The following TENM1 variants were observed in gnomAD, a reference collection of about 807,000 sequenced individuals.
TENM1 encodes the protein teneurin-1.
In TENM1, 35 loss-of-function variants were observed where a neutral mutation model predicts 174.8. The observed-to-expected ratio is 0.20, with a 90% CI of 0.15 to 0.27. The LOEUF (loss-of-function observed/expected upper bound fraction) is 0.27. Ranked by LOEUF, TENM1 falls within the 10% of genes least tolerant of loss-of-function variation. The probability of loss-of-function intolerance (pLI) is 1.00; values close to 1 mark genes in which losing one functional copy is unlikely to be tolerated. For missense variants in TENM1, 1,633 were observed against 2,130.1 expected, an observed-to-expected ratio of 0.77 and a Z score of 4.59; for synonymous variants, 781 against 798.7, an observed-to-expected ratio of 0.98 and a Z score of 0.37.
intron 11 of TENM1, among the ~76,000 whole-genome samples, chrX:124,592,774 GGTTT>G (rs1223948844): frequency 4.0e-5 from 3 of 75,873 alleles, no homozygotes; most frequent in South Asian, 6.3e-4. Flanking sequence ...TTTTTTTTTT[GGTTT>G]GTTTAATTTC....
chrX:124,759,251 A>C (rs745405792), intron 3 of TENM1, among the ~76,000 whole-genome samples: 1 of 111,835 alleles, frequency 8.9e-6, no homozygotes, highest in African/African-American at 3.3e-5. Flanking sequence ...TCATCAACAC[A>C]GATTTTGCTG....
intron 1 of TENM1, among the ~76,000 whole-genome samples, chrX:124,936,395 A>G (rs1191870162): frequency 1.8e-5 from 2 of 111,574 alleles, no homozygotes; most frequent in Non-Finnish European, 3.8e-5. Context: ...CAGCTTAAAG[A>G]TTACTTCCCT....
At chrX:125,029,598 G>T in the TENM1 span, among the ~76,000 whole-genome samples, 1 of 111,656 alleles carries the variant, frequency 9.0e-6, no homozygotes, top group Non-Finnish European at 1.9e-5. Flanking sequence ...TCTCCTGTGC[G>T]AAGTATTACT....
chrX:124,396,553 C>T (rs927005341), intron 27 of TENM1, among the ~76,000 whole-genome samples: 1 of 110,753 alleles, frequency 9.0e-6, no homozygotes, highest in Admixed American at 9.6e-5. Flanking sequence ...ATCCACCCAC[C>T]TCACCCTCCC....
intron 3 of TENM1, among the ~76,000 whole-genome samples, chrX:124,823,751 A>G (rs191260594): frequency 2.0e-4 from 22 of 111,708 alleles, no homozygotes; most frequent in Non-Finnish European, 3.6e-4. Flanking sequence ...TTTAGAAACA[A>G]TATTAAAATG....
chrX:124,630,013 C>T (rs1428114967), intron 11 of TENM1, among the ~76,000 whole-genome samples: 2 of 111,982 alleles, frequency 1.8e-5, no homozygotes, highest in Non-Finnish European at 3.8e-5. Flanking sequence ...ACTCAGTTTC[C>T]TCATCTATAA....
At chrX:124,866,381 G>A (rs894947918) in intron 3 of TENM1, among the ~76,000 whole-genome samples, 53 of 111,811 alleles carry the variant, frequency 4.7e-4, no homozygotes, top group African/African-American at 1.5e-3. Flanking sequence ...AAAATACATA[G>A]AAATTAAACA....
At chrX:124,857,847 A>T (rs945252654) in intron 3 of TENM1, among the ~76,000 whole-genome samples, 5 of 110,983 alleles carry the variant, frequency 4.5e-5, no homozygotes, top group African/African-American at 1.6e-4. Context: ...ACTGATATAC[A>T]TACTAATGCA....
the TENM1 span, among the ~76,000 whole-genome samples, chrX:124,978,310 T>C: frequency 7.1e-5 from 8 of 112,012 alleles, no homozygotes; most frequent in Non-Finnish European, 1.1e-4. Flanking sequence ...GCTTTGAAGA[T>C]TTGTCTGCTA....
At chrX:124,631,296 T>C (rs1270455265) in intron 11 of TENM1, among the ~76,000 whole-genome samples, 3 of 111,678 alleles carry the variant, frequency 2.7e-5, no homozygotes, top group East Asian at 5.6e-4. Flanking sequence ...AAAGTAATCA[T>C]TGAAATGAAA....
At chrX:124,510,978 T>G (rs1340538085) in intron 18 of TENM1, among the ~76,000 whole-genome samples, 1 of 112,382 alleles carries the variant, frequency 8.9e-6, no homozygotes, top group East Asian at 2.8e-4. Context: ...CAGTTTGAAA[T>G]GGGCACAAGA....
chrX:124,985,992 A>T, the TENM1 span, among the ~76,000 whole-genome samples: 1 of 111,959 alleles, frequency 8.9e-6, no homozygotes, highest in African/African-American at 3.2e-5. Flanking sequence ...AACTGATAAA[A>T]CGTAAGTTAG....
chrX:124,697,910 C>T (rs1291024905), intron 5 of TENM1, among the ~76,000 whole-genome samples: 1 of 111,409 alleles, frequency 9.0e-6, no homozygotes, highest in Non-Finnish European at 1.9e-5. Context: ...CTACACTGTA[C>T]ACTCCTGAGA....
At chrX:125,001,615 C>T in the TENM1 span, among the ~76,000 whole-genome samples, 1 of 110,029 alleles carries the variant, frequency 9.1e-6, no homozygotes, top group Non-Finnish European at 1.9e-5. Flanking sequence ...AAAATATGTC[C>T]ATAAAAGGAT....
intron 14 of TENM1, among the ~76,000 whole-genome samples, chrX:124,561,053 C>T (rs1242313749): frequency 9.0e-6 from 1 of 111,306 alleles, no homozygotes; most frequent in African/African-American, 3.3e-5. Flanking sequence ...AAAATTCTAC[C>T]ATAAATTGTC....
the TENM1 span, among the ~76,000 whole-genome samples, chrX:124,987,297 C>G: frequency 9.0e-5 from 10 of 111,279 alleles, no homozygotes; most frequent in East Asian, 2.8e-3. Context: ...AATCTGACTT[C>G]TATAAATCTA....
chrX:124,762,429 C>A (rs1334226189), intron 3 of TENM1, among the ~76,000 whole-genome samples: 1 of 112,282 alleles, frequency 8.9e-6, no homozygotes, highest in Non-Finnish European at 1.9e-5. Flanking sequence ...CTTTCTAAGA[C>A]AGATGGTTTT....
At chrX:124,824,722 A>T (rs902441720) in intron 3 of TENM1, among the ~76,000 whole-genome samples, 17 of 111,725 alleles carry the variant, frequency 1.5e-4, no homozygotes, top group Non-Finnish European at 3.2e-4. Context: ...AAATCTAACC[A>T]CTCTTAACCA....
At chrX:124,908,648 C>A in intron 1 of TENM1, among the ~76,000 whole-genome samples, 1 of 110,729 alleles carries the variant, frequency 9.0e-6, no homozygotes. Context: ...TGTGCATGTT[C>A]TCAGAACTTA....
Sources: allele counts gnomAD v4.1 joint callset (sites outside exome capture counted in the v4.1 genomes callset), GRCh38; gene constraint gnomAD v4.1.1; transcripts MANE v1.5; gene names NCBI Gene and HGNC (gene_info 2026-07-23, HGNC 2026-07-21).